Variants in VPS13C observed in about 807,000 individuals in gnomAD.
The protein encoded by VPS13C is intermembrane lipid transfer protein VPS13C.
VPS13C carries 358 observed loss-of-function variants against 456.8 expected under a neutral mutation model. The observed-to-expected ratio is 0.78, with a 90% CI of 0.72 to 0.86. The LOEUF is 0.86. Ranked by LOEUF, VPS13C falls within the 40% of genes least tolerant of loss-of-function variation. The pLI is 0.00. For missense variants in VPS13C, 4,818 were observed against 4,385.4 expected, an observed-to-expected ratio of 1.10 and a Z score of -2.79; for synonymous variants, 1,578 against 1,486.7, an observed-to-expected ratio of 1.06 and a Z score of -1.41.
intron 14 of VPS13C, among the ~76,000 whole-genome samples, chr15:62,008,092 C>T (rs941174676): frequency 2.0e-5 from 3 of 151,978 alleles, no homozygotes; most frequent in Non-Finnish European, 4.4e-5. Context: ...ATTAGCCAGG[C>T]GTGGTGGTGG....
At position 61,917,548 on chromosome 15, in the gene VPS13C, A is replaced by T; in HGVS notation, c.7848T>A (p.His2616Gln). The change falls in exon 60 of 85, where the codon CAT (histidine) becomes CAA (glutamine). Residue 2616 changes from histidine (H) to glutamine (Q), a missense_variant. This residue lies in a region of VPS13C where 4,552 missense variants were observed against 4,130.6 expected (regional missense o/e 1.10). Coordinates refer to ENST00000644861, the MANE Select transcript of VPS13C (RefSeq NM_020821.3). ...ACATGCATCTGACTTCCCTGCTCCT[A>T]TGAAGTTCTTCCTTCCAGGAAATAT... ...TTYISWKEEL[H>Q]RSREVRCMLQ... 1 of 1,614,008 alleles carries T rather than the reference A, an allele frequency of 6.2e-7. No homozygotes were observed. Among genetic ancestry groups the T allele is most frequent in the Non-Finnish European group, 8.5e-7 (1 of 1,179,886 alleles).
chr15:61,911,025 T>C (rs1045006622), intron 63 of VPS13C, among the ~76,000 whole-genome samples: 6 of 152,176 alleles, frequency 3.9e-5, no homozygotes, highest in African/African-American at 1.4e-4. Flanking sequence ...TCTAACTTTA[T>C]TTATATTGTA....
chr15:62,056,241 C>G (rs535003497), intron 1 of VPS13C, among the ~76,000 whole-genome samples: 10 of 152,244 alleles, frequency 6.6e-5, no homozygotes, highest in African/African-American at 2.4e-4. Context: ...ATAGTTATAC[C>G]ATATAGATCT....
rs762410291 is a variant in VPS13C, at chr15:62,041,350, G to T, written c.161C>A (p.Pro54His). The change falls in exon 3 of 85, where the codon CCT (proline) becomes CAT (histidine). Residue 54 changes from proline to histidine, a missense_variant. This residue lies in a region of VPS13C where 4,552 missense variants were observed against 4,130.6 expected (regional missense o/e 1.10). Coordinates refer to ENST00000644861, the MANE Select transcript of VPS13C (RefSeq NM_020821.3). ...AATTTGGCCAGCCTTGACTTTAAAA[G>T]GAACATCCAATTCACTCTTCAGAAG... ...KENALSELDV[P>H]FKVKAGQIDK... is the part of the protein sequence containing the mutation. 1.2e-5 allele frequency: 19 copies of T among 1,606,398 alleles called. No homozygotes were observed. Among genetic ancestry groups the T allele is most frequent in the Non-Finnish European group, 1.5e-5 (18 of 1,178,178 alleles).
At chr15:61,983,371 A>C (rs944153284) in intron 20 of VPS13C, among the ~76,000 whole-genome samples, 9 of 152,222 alleles carry the variant, frequency 5.9e-5, no homozygotes, top group African/African-American at 2.2e-4. Context: ...AACCTGAGCC[A>C]GAACTTCCAA....
intron 1 of VPS13C, among the ~76,000 whole-genome samples, chr15:62,047,071 T>C (rs1200049614): frequency 6.6e-6 from 1 of 151,954 alleles, no homozygotes; most frequent in African/African-American, 2.4e-5. Context: ...GATTTAAATA[T>C]TTTTTATATA....
At chr15:61,969,546 A>C in intron 27 of VPS13C, 94 bp from the exon 28 acceptor site, 1 of 787,624 alleles carries the variant, frequency 1.3e-6, no homozygotes, top group Non-Finnish European at 1.8e-6. Context: ...CATCACCATG[A>C]GAATAGTAAC....
Position 61,987,875 on chromosome 15 carries a change from C to T in VPS13C, c.1579-2876G>A, listed in dbSNP as rs376297608. Among the ~76,000 whole-genome samples the T allele has an allele frequency of 1.9e-4, 29 of 152,148 alleles. No homozygotes were observed. The East Asian group carries it at 5.0e-3, about 26-fold the overall frequency. ...TACCCTATGACCCAGCAACTCTACTCCCAGGTATTTAACTCAAGAGAAGTA... is the reference window on the plus strand; with the variant it reads ...TACCCTATGACCCAGCAACTCTACTTCCAGGTATTTAACTCAAGAGAAGTA... On this transcript the variant is annotated intron_variant, in intron 18 of 84. Transcript: ENST00000644861.
intron 49 of VPS13C, 51 bp downstream of exon 49, chr15:61,934,168 G>C: frequency 8.0e-7 from 1 of 1,254,038 alleles, no homozygotes; most frequent in Non-Finnish European, 1.1e-6. Context: ...CTCTAAAACT[G>C]ACTATCAAGA....
chr15:61,962,377 T>C lies in VPS13C; in HGVS notation c.3597A>G (p.Ser1199=). The change falls in exon 34 of 85, where the codon TCA becomes TCG. Residue 1199 remains serine, a synonymous_variant. Coordinates refer to ENST00000644861, the MANE Select transcript of VPS13C (RefSeq NM_020821.3). ...QIVYLHKFLM[S]LLNFLNNFQT... The stretch of plus-strand genomic sequence containing the variant: ...ATACAAATAATTATTTTACCAGAAG[T>C]GACATAAGGAATTTATGAAGATAGA... The C allele has an allele frequency of 6.3e-7, 1 of 1,578,466 alleles. No homozygotes were observed. The highest frequency in any genetic ancestry group is 8.6e-7 in the Non-Finnish European group (1 of 1,163,624).
chr15:62,036,626 C>A (rs948667852), intron 3 of VPS13C, among the ~76,000 whole-genome samples: 3 of 151,896 alleles, frequency 2.0e-5, no homozygotes, highest in African/African-American at 7.3e-5. Flanking sequence ...AATCTCCTAA[C>A]AAAATTTATT....
chr15:62,008,785 T>C (rs774140328), intron 13 of VPS13C, 24 bp from the exon 14 acceptor site: 6 of 1,360,000 alleles, frequency 4.4e-6, no homozygotes, highest in South Asian at 4.2e-5. Context: ...AATAAAATTA[T>C]ATTTATTACA....
intron 77 of VPS13C, among the ~76,000 whole-genome samples, chr15:61,874,460 CAT>C (rs548392218): frequency 4.9e-4 from 75 of 151,926 alleles, no homozygotes; most frequent in Admixed American, 1.2e-3. Flanking sequence ...TATATACAAT[CAT>C]GTGTCAATTA....
intron 61 of VPS13C, among the ~76,000 whole-genome samples, chr15:61,913,892 T>C (rs2043379780): frequency 6.6e-6 from 1 of 152,080 alleles, no homozygotes; most frequent in Admixed American, 6.5e-5. Context: ...AGCTTCCAAC[T>C]AGACAGAGAG....
intron 15 of VPS13C, among the ~76,000 whole-genome samples, chr15:62,002,363 GTTGT>G (rs1181339351): frequency 3.9e-5 from 6 of 152,250 alleles, no homozygotes; most frequent in South Asian, 2.1e-4. Context: ...TTTTGATGGG[GTTGT>G]TTGTTTTTTT....
chr15:61,902,209 T>C (rs1335265983), intron 66 of VPS13C, among the ~76,000 whole-genome samples: 1 of 150,894 alleles, frequency 6.6e-6, no homozygotes, highest in Admixed American at 6.6e-5. Context: ...CATGTATACA[T>C]ATGTAACTAA....
chr15:61,960,552 G>C (rs151174020), intron 35 of VPS13C, among the ~76,000 whole-genome samples: 255 of 152,236 alleles, frequency 1.7e-3, no homozygotes, highest in African/African-American at 5.7e-3. Flanking sequence ...GAATGTCCTT[G>C]TTTATAGGAG....
At position 61,959,547 on chromosome 15, in the gene VPS13C, G is replaced by A. The variant is rs755849723; in HGVS notation, c.3957C>T (p.His1319=). 5 of 1,612,926 alleles carry A rather than the reference G, an allele frequency of 3.1e-6. No homozygotes were observed. In the African/African-American group the frequency reaches 5.3e-5, roughly 17 times the overall value. Residue 1319 remains histidine, a synonymous_variant, in exon 36 of 85, where the codon CAC becomes CAT. Transcript: ENST00000644861. ...GIYHPDIQLL[H]PINLEFLVNR... is the part of the protein sequence containing the mutation. Reference sequence around the variant, plus strand: ...TTACAAGAAATTCCAAGTTAATTGGGTGCAACAGCTGAATATCAGGATGGT... The same window carrying A: ...TTACAAGAAATTCCAAGTTAATTGGATGCAACAGCTGAATATCAGGATGGT...
intron 81 of VPS13C, 181 bp from the exon 82 acceptor site, chr15:61,863,709 T>G: frequency 2.3e-6 from 1 of 431,166 alleles, no homozygotes; most frequent in Non-Finnish European, 4.1e-6. Flanking sequence ...TAAGTTAACT[T>G]CCACTGTTGC....
Sources: allele counts gnomAD v4.1 joint callset (sites outside exome capture counted in the v4.1 genomes callset), GRCh38; gene constraint gnomAD v4.1.1; regional missense constraint gnomAD v4.1.1; transcripts MANE v1.5; gene names NCBI Gene and HGNC (gene_info 2026-07-23, HGNC 2026-07-21).